Variants in PLXNB2 observed in about 807,000 individuals in gnomAD.
The protein encoded by PLXNB2 is plexin B2.
Under a neutral mutation model 202.6 loss-of-function variants are expected in PLXNB2, and 85 were observed. That is an observed-to-expected ratio of 0.42 (90% confidence interval 0.35 to 0.50). The LOEUF (loss-of-function observed/expected upper bound fraction) is 0.50. Ranked by LOEUF, PLXNB2 falls within the 20% of genes least tolerant of loss-of-function variation. The pLI is 0.02. For synonymous variants in PLXNB2, 1,239 were observed against 1,137.6 expected, an observed-to-expected ratio of 1.09 and a Z score of -1.79; for missense variants, 2,063 against 2,586.2, an observed-to-expected ratio of 0.80 and a Z score of 4.39.
intron 2 of PLXNB2, 43 bp from the exon 3 acceptor site, chr22:50,290,640 A>AC: frequency 6.7e-7 from 1 of 1,483,914 alleles, no homozygotes; most frequent in Non-Finnish European, 8.9e-7. Flanking sequence ...GACCCAGAGG[A>AC]CCCCCGATCA....
chr22:50,283,808 G>A (rs771835706), intron 14 of PLXNB2, 25 bp downstream of exon 14: 5 of 1,611,872 alleles, frequency 3.1e-6, no homozygotes, highest in Non-Finnish European at 4.2e-6. Context: ...GAGGGAAGGT[G>A]TAGGCCAGGC....
chr22:50,280,638 G>C lies in PLXNB2; in HGVS notation c.4026C>G (p.Phe1342Leu). ...FIHTLENQREFSARAKVYFAS... is the reference protein window; with the variant it reads ...FIHTLENQRELSARAKVYFAS... ...CGAAGTAGACCTTGGCGCGGGCCGA[G>C]AACTCCCGCTGGTTCTCCAGGGTGT... The change falls in exon 25 of 37, where the codon TTC becomes TTG. Residue 1342 changes from phenylalanine to leucine, a missense_variant. Phe to Leu is a conservative substitution (Grantham distance 22). Coordinates refer to ENST00000359337, the MANE Select transcript of PLXNB2 (RefSeq NM_012401.4). The C allele has an allele frequency of 6.2e-7, 1 of 1,612,644 alleles. No individual in the cohort carries two copies.
intron 22 of PLXNB2, 21 bp from the exon 23 acceptor site, chr22:50,281,210 C>G: frequency 1.9e-6 from 3 of 1,602,196 alleles, no homozygotes; most frequent in Non-Finnish European, 2.6e-6. Context: ...CAGCGGGCCT[C>G]CTAGGTTCTG....
In PLXNB2 at chr22:50,286,208, G is replaced by T; in HGVS notation, c.1842C>A (p.Asp614Glu). The T allele has an allele frequency of 6.2e-7, 1 of 1,613,196 alleles. No individual in the cohort carries two copies. Among genetic ancestry groups the T allele is most frequent in the Non-Finnish European group, 8.5e-7 (1 of 1,179,878 alleles). Residue 614 changes from aspartate (D) to glutamate (E), a missense_variant, in exon 9 of 37, where the codon GAC (aspartate) becomes GAA (glutamate). Transcript: ENST00000359337. ...CCTCCAGGCTCATGGCCTGGCGGCA[G>T]TCGTAGAAGGGGTACTGGTAGGACG... ...FLTSYQYPFY[D>E]CRQAMSLEEN...
rs1401794346 is a variant in PLXNB2, at chr22:50,284,483, G to A, written c.2181+90C>T. On this transcript the variant is annotated intron_variant, in intron 12 of 36. Coordinates refer to ENST00000359337, the MANE Select transcript of PLXNB2 (RefSeq NM_012401.4). This position sits in a 1 kb window ranked among gnomAD's most constrained non-coding sequence, Gnocchi z 8.0. ...CTCTGGTCCCTGGGGTCTCCCTGCTGCCCCTCCCCTCACAGTCCTGAAGGT... is the reference window on the plus strand; with the variant it reads ...CTCTGGTCCCTGGGGTCTCCCTGCTACCCCTCCCCTCACAGTCCTGAAGGT... The A allele has an allele frequency of 1.9e-5, 19 of 1,004,412 alleles. No homozygotes were observed. Among genetic ancestry groups the A allele is most frequent in the Non-Finnish European group, 2.7e-5 (18 of 659,994 alleles). 62.2% of individuals were successfully genotyped at this position (1,004,412 alleles called of 1,614,324 possible).
chr22:50,277,826 GGCC>G (rs773148599), intron 32 of PLXNB2, 24 bp downstream of exon 32: 2 of 1,608,030 alleles, frequency 1.2e-6, no homozygotes, highest in East Asian at 4.5e-5. Flanking sequence ...GCCGGGGCTG[GGCC>G]GCGGGGTGGG....
Position 50,287,262 on chromosome 22 carries a change from C to T in PLXNB2, c.1611G>A (p.Val537=). 2 of 1,508,434 alleles carry T rather than the reference C, an allele frequency of 1.3e-6. No homozygotes were observed. Among genetic ancestry groups the T allele is most frequent in the South Asian group, 2.6e-5 (2 of 77,840 alleles). 93.4% of individuals were successfully genotyped at this position (1,508,434 alleles called of 1,614,324 possible). ...QNMSRRAQGE[V]QLTVSPLPAL... ...CAGGGAGGGGGCTGACGGTCAGCTG[C>T]ACCTGAGGGAGGGGCCGTGCCGCTC... The change falls in exon 8 of 37, where the codon GTG becomes GTA. Residue 537 remains valine, a splice_region_variant and synonymous_variant. Transcript: ENST00000359337.
Position 50,275,234 on chromosome 22 carries a change from G to A in PLXNB2, c.*470C>T, listed in dbSNP as rs1223204288. 2.8e-6 allele frequency: 1 copy of A among 362,244 alleles called. No homozygotes were observed. The highest frequency in any genetic ancestry group is 5.5e-6 in the Non-Finnish European group (1 of 181,644). The allele number at this position is 362,244 out of a possible 1,614,324, so 22.4% of individuals were successfully genotyped here. On this transcript the variant is annotated 3_prime_UTR_variant, in exon 37 of 37. Transcript: ENST00000359337. The stretch of plus-strand genomic sequence containing the variant: ...CCCTTGGGGAGGCCGGTGAGGTCAG[G>A]AAGGCATCGTACCGCTTTTTCTCCT...
Position 50,287,928 on chromosome 22 carries a change from G to C in PLXNB2, c.1481+9C>G. ...CAGGCCGTGTCCCCGAGCCACCCCA[G>C]GCACTCACCGTCCCTCGACGACGCA... On this transcript the variant is annotated intron_variant, in intron 6 of 36. Coordinates refer to ENST00000359337, the MANE Select transcript of PLXNB2 (RefSeq NM_012401.4). 6.3e-7 allele frequency: 1 copy of C among 1,585,532 alleles called. No homozygotes were observed. The highest frequency in any genetic ancestry group is 8.6e-7 in the Non-Finnish European group (1 of 1,167,532).
Position 50,300,524 on chromosome 22 carries a change from C to G in PLXNB2, c.-73-5746G>C, listed in dbSNP as rs148606436. Among the ~76,000 whole-genome samples the G allele has an allele frequency of 9.4e-3, 1,430 of 152,320 alleles. 20 individuals carry two copies. Among genetic ancestry groups the G allele is most frequent in the South Asian group, 0.022 (106 of 4,834 alleles). On this transcript the variant is annotated intron_variant, in intron 1 of 36. Transcript: ENST00000359337. ...CGAGGCAAAGGCCGAACGCTCCCGG[C>G]ACAACCCGACCTAGGAGCTGGGGCG...
chr22:50,276,023 G>T, intron 35 of PLXNB2, 60 bp from the exon 36 acceptor site: 2 of 1,495,598 alleles, frequency 1.3e-6, no homozygotes, highest in Non-Finnish European at 1.9e-6. Flanking sequence ...AGGGCTGGCA[G>T]GAGTAGTACG....
intron 33 of PLXNB2, among the ~76,000 whole-genome samples, chr22:50,277,181 G>A (rs1237973748): frequency 1.3e-5 from 2 of 152,056 alleles, no homozygotes; most frequent in Non-Finnish European, 2.9e-5. Context: ...CATGCCTGTA[G>A]TCCCAGCTAC....
rs2066697585 is a variant in PLXNB2, at chr22:50,289,283, G to A, written c.1069-141C>T. The A allele has an allele frequency of 2.1e-6, 2 of 937,582 alleles. No homozygotes were observed. Among genetic ancestry groups the A allele is most frequent in the Non-Finnish European group, 3.1e-6 (2 of 644,902 alleles). The allele number at this position is 937,582 out of a possible 1,614,324, so 58.1% of individuals were successfully genotyped here. A position where few individuals can be genotyped will look rare whatever the true frequency, so the allele number is the denominator to read the frequency against. ...ACGTCCCCGAGAACAGAACCCACATGGCAGGGAGCCCCACCGTGCTCACTG... is the reference window on the plus strand; with the variant it reads ...ACGTCCCCGAGAACAGAACCCACATAGCAGGGAGCCCCACCGTGCTCACTG... On this transcript the variant is annotated intron_variant, in intron 3 of 36. Coordinates refer to ENST00000359337, the MANE Select transcript of PLXNB2 (RefSeq NM_012401.4). The surrounding 1 kb of genome is among the most constrained non-coding windows in gnomAD (Gnocchi z 8.0).
chr22:50,299,677 G>A (rs946861550), intron 1 of PLXNB2, among the ~76,000 whole-genome samples: 1 of 152,156 alleles, frequency 6.6e-6, no homozygotes, highest in Non-Finnish European at 1.5e-5. Flanking sequence ...GTGGGTAGGC[G>A]CGGGGAGGGA....
At chr22:50,300,811 G>A (rs994616305) in intron 1 of PLXNB2, among the ~76,000 whole-genome samples, 5 of 152,150 alleles carry the variant, frequency 3.3e-5, no homozygotes, top group African/African-American at 1.2e-4. Flanking sequence ...GATCCTGGGG[G>A]TGCCCCATGA....
In PLXNB2 at chr22:50,283,860, G is replaced by A. The variant is rs200313971; in HGVS notation, c.2394C>T (p.Ser798=). The change falls in exon 14 of 37, where the codon TCC becomes TCT. Residue 798 remains serine (S), a synonymous_variant. Transcript: ENST00000359337. ...TGGTGATGACGGGCGGCGGGCACTC[G>A]GAGGTGGTGTTGCACAGGGCCTCAT... ...CVYEALCNTT[S]ECPPPVITRI... 6.7e-5 allele frequency: 108 copies of A among 1,608,660 alleles called. No individual in the cohort carries two copies. Among genetic ancestry groups the A allele is most frequent in the Middle Eastern group, 1.7e-4 (1 of 6,028 alleles).
chr22:50,292,163 C>T (rs2066914748), intron 2 of PLXNB2, among the ~76,000 whole-genome samples: 1 of 152,028 alleles, frequency 6.6e-6, no homozygotes, highest in African/African-American at 2.4e-5. Flanking sequence ...TGGTGAAACC[C>T]CGTCTCTACT....
Position 50,291,230 on chromosome 22 carries a change from A to G in PLXNB2, c.-13-633T>C, listed in dbSNP as rs1338055471. The stretch of plus-strand genomic sequence containing the variant: ...CCCCCTGCCCTGGTGAAACAGTGGA[A>G]GCCAGCAATCACCCACAGCTCCTCG... On this transcript the variant is annotated intron_variant, in intron 2 of 36. Transcript: ENST00000359337. The surrounding 1 kb of genome is among the most constrained non-coding windows in gnomAD (Gnocchi z 4.3). Among the ~76,000 whole-genome samples, 1 of 152,188 alleles carries G rather than the reference A, an allele frequency of 6.6e-6. No homozygotes were observed. Among genetic ancestry groups the G allele is most frequent in the Non-Finnish European group, 1.5e-5 (1 of 68,022 alleles).
chr22:50,280,717 C>CAA, intron 24 of PLXNB2, 27 bp downstream of exon 24: 1 of 1,436,146 alleles, frequency 7.0e-7, no homozygotes, highest in Non-Finnish European at 9.5e-7. Flanking sequence ...CCTGTGTGCC[C>CAA]TCCCGCCCGC....
Sources: allele counts gnomAD v4.1 joint callset (sites outside exome capture counted in the v4.1 genomes callset), GRCh38; gene constraint gnomAD v4.1.1; non-coding constraint Gnocchi (gnomAD v3.1); transcripts MANE v1.5; gene names NCBI Gene and HGNC (gene_info 2026-07-23, HGNC 2026-07-21).